Variants in MLIP observed in about 807,000 individuals in gnomAD.
MLIP encodes muscular LMNA-interacting protein.
In MLIP, 79 loss-of-function variants were observed where a neutral mutation model predicts 84.8. That is an observed-to-expected ratio of 0.93 (90% confidence interval 0.78 to 1.12). The LOEUF (loss-of-function observed/expected upper bound fraction) is 1.12, where lower values mean the gene tolerates loss of function less well. Ranked by LOEUF, MLIP falls within the 50% of genes most tolerant of loss-of-function variation. The pLI is 0.00. For synonymous variants in MLIP, 504 were observed against 463.0 expected (o/e 1.09, Z -1.14); for missense variants, 1,257 against 1,160.6 (o/e 1.08, Z -1.21).
intron 5 of MLIP, among the ~76,000 whole-genome samples, chr6:54,157,934 T>G (rs1157729915): frequency 6.6e-6 from 1 of 152,156 alleles, no homozygotes; most frequent in Admixed American, 6.6e-5. Flanking sequence ...ATTTTGTTAT[T>G]TAATACAGAG....
At chr6:54,251,460 A>ATATATATATATATATC (rs1782478710) in intron 12 of MLIP, among the ~76,000 whole-genome samples, 1 of 132,104 alleles carries the variant, frequency 7.6e-6, no homozygotes, top group Non-Finnish European at 1.5e-5. Flanking sequence ...ATATATATAT[A>ATATATATATATATATC]TATATATCTG....
intron 3 of MLIP, among the ~76,000 whole-genome samples, chr6:54,127,179 T>C (rs1770990131): frequency 1.3e-5 from 2 of 152,102 alleles, no homozygotes; most frequent in Non-Finnish European, 2.9e-5. Context: ...GAGTTAGTTC[T>C]TGTTCATGTT....
intron 13 of MLIP, chr6:54,261,524 T>C (rs1260657036): frequency 6.0e-5 from 57 of 956,648 alleles, no homozygotes; most frequent in Non-Finnish European, 6.6e-5. Flanking sequence ...AGATTTTTGA[T>C]AAACATTTAA....
chr6:54,111,942 G>C (rs1168868220), intron 1 of MLIP, among the ~76,000 whole-genome samples: 1 of 152,212 alleles, frequency 6.6e-6, no homozygotes, highest in Non-Finnish European at 1.5e-5. Context: ...GGAGCTGTTA[G>C]CCTGCGTGGC....
chr6:54,084,266 C>T (rs1217490536), intron 1 of MLIP, among the ~76,000 whole-genome samples: 1 of 152,086 alleles, frequency 6.6e-6, no homozygotes, highest in Admixed American at 6.6e-5. Flanking sequence ...AGGTTCATTA[C>T]TTATTTTTTT....
chr6:54,229,159 G>T (rs897695073), intron 11 of MLIP, among the ~76,000 whole-genome samples: 1 of 152,008 alleles, frequency 6.6e-6, no homozygotes, highest in Non-Finnish European at 1.5e-5. Context: ...GATTTTTTTG[G>T]ATTGACCCAA....
intron 9 of MLIP, among the ~76,000 whole-genome samples, chr6:54,189,239 C>A (rs1245416322): frequency 1.3e-5 from 2 of 152,156 alleles, no homozygotes; most frequent in African/African-American, 4.8e-5. Flanking sequence ...CAAACATGTT[C>A]AAATTACAGA....
chr6:54,230,775 C>A lies in MLIP; in HGVS notation c.2780C>A (p.Pro927His). 6.2e-7 allele frequency: 1 copy of A among 1,614,120 alleles called. No homozygotes were observed. The highest frequency in any genetic ancestry group is 8.5e-7 in the Non-Finnish European group (1 of 1,179,994). Residue 927 changes from proline (P) to histidine (H), a missense_variant, in exon 12 of 14, where the codon CCT becomes CAT. By Grantham distance (77) the Pro-to-His change is moderately conservative. Coordinates refer to ENST00000502396, the MANE Select transcript of MLIP (RefSeq NM_001281747.2). ...LHPLYQTKLY[P>H]PAKSLLHPQT... ...CCTTTATATCAGACTAAACTCTATCCTCCTGCTAAGTCACTGCTGCATCCA... is the reference window on the plus strand; with the variant it reads ...CCTTTATATCAGACTAAACTCTATCATCCTGCTAAGTCACTGCTGCATCCA...
Position 54,160,347 on chromosome 6 carries a change from A to G in MLIP, c.2290-20A>G, listed in dbSNP as rs867377450. 4 of 1,605,770 alleles carry G rather than the reference A, an allele frequency of 2.5e-6. No homozygotes were observed. In the Middle Eastern group the frequency reaches 6.6e-4, roughly 266 times the overall value. On this transcript the variant is annotated intron_variant, in intron 5 of 13. Transcript: ENST00000502396. ...GTATGACTAGAAGCCTCATATAAGA[A>G]CTATTTCATTTGTCACTAGGCACTA...
chr6:54,245,133 A>G (rs1487010156), intron 12 of MLIP, among the ~76,000 whole-genome samples: 1 of 152,142 alleles, frequency 6.6e-6, no homozygotes, highest in Non-Finnish European at 1.5e-5. Flanking sequence ...CTATTTCACC[A>G]CACACATCAG....
chr6:54,126,082 A>T (rs1386885876), intron 3 of MLIP, among the ~76,000 whole-genome samples: 1 of 152,040 alleles, frequency 6.6e-6, no homozygotes, highest in Admixed American at 6.6e-5. Flanking sequence ...TATTATAATC[A>T]TATAATTAAA....
At chr6:54,033,044 A>G (rs566131553) in intron 1 of MLIP, among the ~76,000 whole-genome samples, 1 of 152,322 alleles carries the variant, frequency 6.6e-6, no homozygotes, top group East Asian at 1.9e-4. Flanking sequence ...CTTTTACAAA[A>G]CATCTTTAAT....
chr6:54,228,168 G>A (rs548044205), intron 11 of MLIP, among the ~76,000 whole-genome samples: 99 of 130,260 alleles, frequency 7.6e-4, no homozygotes, highest in African/African-American at 2.9e-3. Flanking sequence ...GGGCGACAGA[G>A]GGAGACTGTC....
rs939124670 is a variant in MLIP at position 54,230,642 on chromosome 6, G to A, written c.2719-72G>A. ...TAAGAGATTCTGACCTATGTCTATC[G>A]TAGACCTAATTCCAAGCGTGCTTGA... On this transcript the variant is annotated intron_variant, in intron 11 of 13. Transcript: ENST00000502396. 7.8e-5 allele frequency: 107 copies of A among 1,374,740 alleles called. 1 individual carries two copies. Among genetic ancestry groups the A allele is most frequent in the Non-Finnish European group, 9.8e-5 (96 of 975,008 alleles). The allele number at this position is 1,374,740 out of a possible 1,614,324, so 85.2% of individuals were successfully genotyped here.
chr6:54,189,986 G>T, intron 10 of MLIP, 72 bp downstream of exon 10: 1 of 995,536 alleles, frequency 1.0e-6, no homozygotes, highest in South Asian at 1.5e-5. Flanking sequence ...GAGTAAAAGT[G>T]AAAAAAAGAA....
Position 54,121,607 on chromosome 6 carries a change from G to A in MLIP, c.252+5G>A. 1 of 1,559,204 alleles carries A rather than the reference G, an allele frequency of 6.4e-7. No individual in the cohort carries two copies. Among genetic ancestry groups the A allele is most frequent in the Non-Finnish European group, 8.7e-7 (1 of 1,155,558 alleles). On this transcript the variant is annotated splice_donor_5th_base_variant and intron_variant, in intron 2 of 13. Coordinates refer to ENST00000502396, the MANE Select transcript of MLIP (RefSeq NM_001281747.2). ...AGTCCAGAAACTGTAAATAGGGTAG[G>A]ATTATTTTTATTCTTTTTTAATTTC...
At chr6:54,056,217 T>C (rs1249390086) in intron 1 of MLIP, among the ~76,000 whole-genome samples, 1 of 152,210 alleles carries the variant, frequency 6.6e-6, no homozygotes, top group East Asian at 1.9e-4. Flanking sequence ...AGTCCTTTTC[T>C]TGACCTAAGT....
At chr6:54,045,283 G>T (rs1764978166) in intron 1 of MLIP, 1 of 150,132 alleles carries the variant, frequency 6.7e-6, no homozygotes, top group South Asian at 2.1e-4. Flanking sequence ...GGGAGGTGAA[G>T]ATTGCAGTGA....
chr6:54,175,797 C>T (rs1776223021), intron 9 of MLIP, among the ~76,000 whole-genome samples: 1 of 151,926 alleles, frequency 6.6e-6, no homozygotes, highest in Non-Finnish European at 1.5e-5. Flanking sequence ...AGTGGACATC[C>T]TTGTCGTCTT....
Sources: gnomAD v4.1 joint callset for allele counts (sites outside exome capture counted in the v4.1 genomes callset) on GRCh38, gnomAD v4.1.1 for gene constraint, MANE v1.5 for transcripts, NCBI Gene and HGNC (gene_info 2026-07-23, HGNC 2026-07-21) for gene names.